UGGT1: variants seen among roughly 807,000 people sequenced by gnomAD.
UGGT1 encodes the protein UDP-glucose glycoprotein glucosyltransferase 1.
UGGT1 carries 107 observed loss-of-function variants against 203.9 expected under a neutral mutation model. The ratio of observed to expected loss-of-function variants is 0.52; its 90% CI spans 0.45 to 0.62. UGGT1 has a LOEUF of 0.62. Ranked by LOEUF, UGGT1 falls within the 20% of genes least tolerant of loss-of-function variation. The pLI, the probability that UGGT1 is intolerant of heterozygous loss-of-function variation, is 0.00. For missense variants in UGGT1, 1,673 were observed against 1,867.2 expected (o/e 0.90, Z 1.92); for synonymous variants, 628 against 653.5 (o/e 0.96, Z 0.59).
intron 20 of UGGT1, 150 bp downstream of exon 20, chr2:128,155,737 A>G (rs927713091): frequency 1.9e-6 from 1 of 518,316 alleles, no homozygotes; most frequent in East Asian, 3.2e-5. Context: ...GAACATATCT[A>G]TTTAAAGTTT....
chr2:128,185,552 C>T (rs1381856397), intron 38 of UGGT1, among the ~76,000 whole-genome samples: 2 of 149,274 alleles, frequency 1.3e-5, no homozygotes, highest in African/African-American at 5.0e-5. Context: ...TGGCTCACTG[C>T]AGCCTCGAAC....
chr2:128,172,185 A>G (rs754042723), intron 28 of UGGT1, among the ~76,000 whole-genome samples: 3 of 152,246 alleles, frequency 2.0e-5, no homozygotes, highest in Non-Finnish European at 2.9e-5. Context: ...GAAAATGCCC[A>G]GGACCTAACT....
At chr2:128,131,085 T>G (rs765989917) in intron 13 of UGGT1, among the ~76,000 whole-genome samples, 1 of 151,398 alleles carries the variant, frequency 6.6e-6, no homozygotes, top group South Asian at 2.1e-4. Context: ...ATACAAAAAT[T>G]AGCTGGGCGT....
intron 17 of UGGT1, 196 bp from the exon 18 acceptor site, chr2:128,145,607 A>T (rs780418574): frequency 1.8e-6 from 1 of 547,090 alleles, no homozygotes; most frequent in African/African-American, 2.0e-5. Context: ...CAGTAATTCA[A>T]TCTCAGATTT....
chr2:128,114,364 C>T (rs763254549), intron 6 of UGGT1, among the ~76,000 whole-genome samples: 12 of 152,118 alleles, frequency 7.9e-5, no homozygotes, highest in East Asian at 1.9e-4. Context: ...GTGATCTGAC[C>T]GCCTCAGCCT....
At chr2:128,142,247 A>G (rs1374228705) in intron 16 of UGGT1, among the ~76,000 whole-genome samples, 1 of 150,522 alleles carries the variant, frequency 6.6e-6, no homozygotes, top group Non-Finnish European at 1.5e-5. Context: ...GCCTATTTAG[A>G]TTTTTCTTAA....
chr2:128,164,734 A>G lies in UGGT1; in HGVS notation c.2830A>G (p.Ser944Gly). 2 of 1,614,012 alleles carry G rather than the reference A, an allele frequency of 1.2e-6. No individual in the cohort carries two copies. Among genetic ancestry groups the G allele is most frequent in the South Asian group, 1.1e-5 (1 of 91,074 alleles). The change falls in exon 26 of 41, where the codon AGC becomes GGC. Residue 944 changes from serine to glycine, a missense_variant. Around this residue, in one of 4 missense-constraint regions of UGGT1, gnomAD observed 1,073 missense variants for 1,078.7 expected, o/e 0.99. Coordinates refer to ENST00000259253, the MANE Select transcript of UGGT1 (RefSeq NM_020120.4). ...TTCTCTAACCCCTTCTTTCAGGGCA[A>G]GCGACTTGGTAATGAAGGTGGATGC... ...QQLRVEEDVA[S>G]DLVMKVDALL...
chr2:128,113,123 C>G lies in UGGT1; in HGVS notation c.561C>G (p.Pro187=). 1 of 1,608,712 alleles carries G rather than the reference C, an allele frequency of 6.2e-7. No homozygotes were observed. ...TGTTCAAAGGAGATCACAGATATCCCTCGTCTAATCCTGAAAGCCCTGTGG... is the reference window on the plus strand; with the variant it reads ...TGTTCAAAGGAGATCACAGATATCCGTCGTCTAATCCTGAAAGCCCTGTGG... The part of the protein sequence containing the change: ...PLLFKGDHRY[P]SSNPESPVVI... The change falls in exon 6 of 41, where the codon CCC becomes CCG. Residue 187 remains proline, a synonymous_variant. Transcript: ENST00000259253.
At chr2:128,142,122 A>G (rs906469066) in intron 16 of UGGT1, among the ~76,000 whole-genome samples, 28 of 151,798 alleles carry the variant, frequency 1.8e-4, no homozygotes, top group African/African-American at 6.3e-4. Flanking sequence ...TTGTGTTTTT[A>G]GTAGGGTTTC....
Position 128,180,986 on chromosome 2 carries a change from C to A in UGGT1, c.3997C>A (p.Arg1333Ser). 1 of 1,614,102 alleles carries A rather than the reference C, an allele frequency of 6.2e-7. No individual in the cohort carries two copies. The highest frequency in any genetic ancestry group is 8.5e-7 in the Non-Finnish European group (1 of 1,180,004). ...GCTTCATCAACAAACTGAAAAACAG[C>A]GTATCATCTGGGGTTACAAGATCCT... ...RWLHQQTEKQ[R>S]IIWGYKILFL... The change falls in exon 36 of 41, where the codon CGT becomes AGT. Residue 1333 changes from arginine (R) to serine (S), a missense_variant. Physicochemically the swap from Arg to Ser is moderately radical, Grantham distance 110. Around this residue, in one of 4 missense-constraint regions of UGGT1, gnomAD observed 513 missense variants for 684.1 expected, o/e 0.75. Transcript: ENST00000259253.
rs1491462062 is a variant in UGGT1, at chr2:128,100,028, CCA to C, written c.194+2466_194+2467del. Among the ~76,000 whole-genome samples the C allele has an allele frequency of 7.0e-5, 3 of 42,718 alleles. 1 individual carries two copies. The highest frequency in any genetic ancestry group is 0.017 in the Middle Eastern group (1 of 60). The allele number at this position is 42,718 out of a possible 152,430, so 28.0% of individuals were successfully genotyped here. ...TCATTGAGATTTACAACCCCCCCCC[CCA>C]CCCTACTTATTTTTTTTGAGACAGA... On this transcript the variant is annotated intron_variant, in intron 2 of 40. Transcript: ENST00000259253.
chr2:128,138,686 G>A (rs1457392306), intron 15 of UGGT1, 31 bp from the exon 16 acceptor site: 3 of 1,603,908 alleles, frequency 1.9e-6, no homozygotes, highest in African/African-American at 1.4e-5. Flanking sequence ...TCTTTGACAT[G>A]TTTCTTTTTT....
chr2:128,121,699 G>A (rs906047501), intron 10 of UGGT1, among the ~76,000 whole-genome samples: 17 of 152,198 alleles, frequency 1.1e-4, no homozygotes, highest in Middle Eastern at 3.4e-3. Context: ...GAGCCACCAC[G>A]CCTGGCGAAA....
chr2:128,171,664 T>C (rs1408733856), intron 28 of UGGT1, among the ~76,000 whole-genome samples: 2 of 152,060 alleles, frequency 1.3e-5, no homozygotes, highest in Non-Finnish European at 2.9e-5. Context: ...CACACTACCA[T>C]GCCCAGCTAA....
chr2:128,095,281 G>A (rs939129919), intron 1 of UGGT1, among the ~76,000 whole-genome samples: 8 of 152,106 alleles, frequency 5.3e-5, no homozygotes, highest in Admixed American at 4.6e-4. Flanking sequence ...CTCTATAGCA[G>A]TTTTTACAAA....
Position 128,142,066 on chromosome 2 carries a change from T to G in UGGT1, c.1720-1028T>G, listed in dbSNP as rs1350992828. Among the ~76,000 whole-genome samples the G allele has an allele frequency of 3.3e-5, 5 of 151,884 alleles. No individual in the cohort carries two copies. The South Asian group carries it at 6.3e-4, about 19-fold the overall frequency. ...AAGGGATTCGCCTGCTGCAGCCTCC[T>G]GAGTAGCTGGAATTACAGGTGTGCA... On this transcript the variant is annotated intron_variant, in intron 16 of 40. Coordinates refer to ENST00000259253, the MANE Select transcript of UGGT1 (RefSeq NM_020120.4).
At chr2:128,124,335 A>G (rs752987648) in intron 11 of UGGT1, among the ~76,000 whole-genome samples, 1 of 152,212 alleles carries the variant, frequency 6.6e-6, no homozygotes, top group Non-Finnish European at 1.5e-5. Flanking sequence ...AATTTGAAAC[A>G]AGGCATCGCC....
intron 36 of UGGT1, among the ~76,000 whole-genome samples, chr2:128,181,575 A>G (rs1012414924): frequency 1.3e-5 from 2 of 152,180 alleles, no homozygotes; most frequent in East Asian, 1.9e-4. Flanking sequence ...ACAGCCTTCC[A>G]CTTCAGCCCG....
chr2:128,116,987 T>C (rs1001484287), intron 8 of UGGT1, among the ~76,000 whole-genome samples: 2 of 152,372 alleles, frequency 1.3e-5, no homozygotes, highest in Non-Finnish European at 2.9e-5. Context: ...AAAAAATGTA[T>C]TTAAAAGTTT....
Sources: gnomAD v4.1 joint callset for allele counts (sites outside exome capture counted in the v4.1 genomes callset) on GRCh38, gnomAD v4.1.1 for gene constraint, gnomAD v4.1.1 regional missense constraint, MANE v1.5 for transcripts, NCBI Gene and HGNC (gene_info 2026-07-23, HGNC 2026-07-21) for gene names.